The following RBBP8 variants were observed in gnomAD, a reference collection of about 807,000 sequenced individuals.
The protein encoded by RBBP8 is RB binding protein 8, endonuclease.
In RBBP8, 88 loss-of-function variants were observed where a neutral mutation model predicts 108.3. The observed-to-expected ratio is 0.81, with a 90% CI of 0.68 to 0.97. RBBP8 has a LOEUF of 0.97. Among genes scored for constraint, RBBP8 ranks in the 50% least tolerant of loss-of-function variants. The pLI is 0.00. For synonymous variants in RBBP8, 332 were observed against 348.2 expected, an observed-to-expected ratio of 0.95 and a Z score of 0.52; for missense variants, 1,023 against 1,049.0, an observed-to-expected ratio of 0.98 and a Z score of 0.34.
At chr18:23,001,482 A>AG (rs34750615) in intron 14 of RBBP8, 104 bp from the exon 15 acceptor site, 1 of 1,293,258 alleles carries the variant, frequency 7.7e-7, no homozygotes, top group South Asian at 1.2e-5. Context: ...AGTGTCTTTA[A>AG]GGACTGCATT....
chr18:23,016,784 C>A, intron 16 of RBBP8, 44 bp from the exon 17 acceptor site: 1 of 1,346,068 alleles, frequency 7.4e-7, no homozygotes. Flanking sequence ...ATTATTTCTC[C>A]TCTGAACTCT....
chr18:23,024,073 C>T (rs2046416948), intron 18 of RBBP8, among the ~76,000 whole-genome samples: 4 of 132,890 alleles, frequency 3.0e-5, no homozygotes, highest in South Asian at 2.4e-4. Flanking sequence ...CTAGTAGAGA[C>T]GGGGTTTCAC....
chr18:22,952,528 G>A (rs916471651), intron 4 of RBBP8, among the ~76,000 whole-genome samples: 22 of 152,178 alleles, frequency 1.4e-4, no homozygotes, highest in African/African-American at 5.3e-4. Flanking sequence ...GGAAGCAGCA[G>A]TACATAACAG....
chr18:22,962,086 T>G (rs1913149691), intron 4 of RBBP8, among the ~76,000 whole-genome samples: 1 of 152,212 alleles, frequency 6.6e-6, no homozygotes, highest in African/African-American at 2.4e-5. Context: ...ATACTGTAAT[T>G]GGAAAGTTTT....
At chr18:23,008,769 A>T (rs75319744) in intron 16 of RBBP8, among the ~76,000 whole-genome samples, 57 of 99,996 alleles carry the variant, frequency 5.7e-4, no homozygotes, top group African/African-American at 1.2e-3. Flanking sequence ...TATGACTTTG[A>T]TTTTTTTTTT....
chr18:22,989,897 G>A (rs764077718), intron 9 of RBBP8, among the ~76,000 whole-genome samples: 3 of 152,018 alleles, frequency 2.0e-5, no homozygotes, highest in Non-Finnish European at 2.9e-5. Flanking sequence ...TCAAACACTT[G>A]GCCTCAAGAG....
chr18:23,006,283 G>T, intron 15 of RBBP8, 80 bp from the exon 16 acceptor site: 1 of 1,250,780 alleles, frequency 8.0e-7, no homozygotes, highest in Non-Finnish European at 1.2e-6. Flanking sequence ...GTTTGAGTGC[G>T]TGTCATTTTC....
chr18:23,022,995 T>C (rs868683888), intron 18 of RBBP8, among the ~76,000 whole-genome samples: 5 of 152,000 alleles, frequency 3.3e-5, no homozygotes, highest in African/African-American at 9.7e-5. Flanking sequence ...CTCCGACTTA[T>C]GGGCTCAAAC....
chr18:22,929,523 G>GGTGTGTGTGTGTGTGT (rs71161348), upstream of RBBP8: 7 of 118,650 alleles, frequency 5.9e-5, no homozygotes, highest in South Asian at 5.6e-4. Context: ...GAGACAGGCG[G>GGTGTGTGTGTGTGTGT]GTGTGTGTGT....
intron 1 of RBBP8, 168 bp downstream of exon 1, chr18:22,933,732 G>A (rs538372450): frequency 3.3e-5 from 5 of 152,514 alleles, no homozygotes; most frequent in South Asian, 2.1e-4. Context: ...GGTGGTGGTG[G>A]ACCGGCGGGA....
chr18:22,938,049 A>G (rs554842114), intron 2 of RBBP8, among the ~76,000 whole-genome samples: 22 of 152,012 alleles, frequency 1.4e-4, no homozygotes, highest in African/African-American at 4.6e-4. Context: ...CTGGTCTTGA[A>G]CTTCTGGGCT....
upstream of RBBP8, among the ~76,000 whole-genome samples, chr18:22,932,169 G>C (rs1567940976): frequency 6.6e-6 from 1 of 152,216 alleles, no homozygotes; most frequent in East Asian, 1.9e-4. Context: ...GAGGCCATAG[G>C]AACAGGTTGG....
chr18:22,934,766 T>C (rs1055019368), intron 1 of RBBP8: 10 of 151,740 alleles, frequency 6.6e-5, no homozygotes, highest in African/African-American at 1.9e-4. Flanking sequence ...ACATGCGGGC[T>C]ACAGAGAGGT....
chr18:22,919,615 G>A (rs1909505921), intron 3 of RBBP8, among the ~76,000 whole-genome samples: 1 of 152,104 alleles, frequency 6.6e-6, no homozygotes, highest in South Asian at 2.1e-4. Context: ...GAAGTGGCAT[G>A]ATCTTGGCTT....
chr18:23,016,793 C>G (rs1568005023), intron 16 of RBBP8, 35 bp from the exon 17 acceptor site: 1 of 1,429,068 alleles, frequency 7.0e-7, no homozygotes, highest in East Asian at 2.3e-5. Flanking sequence ...CCTCTGAACT[C>G]TAAGCTTTGT....
At chr18:22,972,298 G>A (rs1465248660) in intron 5 of RBBP8, among the ~76,000 whole-genome samples, 1 of 139,884 alleles carries the variant, frequency 7.1e-6, no homozygotes, top group Non-Finnish European at 1.5e-5. Context: ...AGATTGCAGT[G>A]AGCCAAGATT....
intron 2 of RBBP8, among the ~76,000 whole-genome samples, chr18:22,937,674 C>G (rs138187906): frequency 6.6e-6 from 1 of 151,930 alleles, no homozygotes; most frequent in African/African-American, 2.4e-5. Context: ...GTCAGGGTCT[C>G]ACTATGTTGC....
At chr18:22,966,245 G>A (rs1913575461) in intron 4 of RBBP8, among the ~76,000 whole-genome samples, 1 of 152,148 alleles carries the variant, frequency 6.6e-6, no homozygotes, top group African/African-American at 2.4e-5. Flanking sequence ...TAGTTAAGTG[G>A]TGTTCTTTAT....
At chr18:22,951,893 C>T (rs183669006) in intron 4 of RBBP8, among the ~76,000 whole-genome samples, 2 of 152,138 alleles carry the variant, frequency 1.3e-5, no homozygotes, top group Admixed American at 6.5e-5. Context: ...CTAGAAGGAT[C>T]CTAAACACAG....
Sources: gnomAD v4.1 joint callset for allele counts (sites outside exome capture counted in the v4.1 genomes callset) on GRCh38, gnomAD v4.1.1 for gene constraint, MANE v1.5 for transcripts, NCBI Gene and HGNC (gene_info 2026-07-23, HGNC 2026-07-21) for gene names.